Variants in DMD observed in about 807,000 individuals in gnomAD.
DMD encodes the protein mutant dystrophin.
A neutral mutation model predicts 330.1 loss-of-function variants in DMD; 63 were observed. That is an observed-to-expected ratio of 0.19 (90% CI 0.16 to 0.24). The LOEUF is 0.24. Among genes scored for constraint, DMD ranks in the 10% least tolerant of loss-of-function variants. The probability of loss-of-function intolerance (pLI) is 1.00; values close to 1 mark genes in which losing one functional copy is unlikely to be tolerated. For missense variants in DMD, 3,344 were observed against 2,684.1 expected, an observed-to-expected ratio of 1.25 and a Z score of -5.43; for synonymous variants, 1,223 against 959.8, an observed-to-expected ratio of 1.27 and a Z score of -5.07.
intron 48 of DMD, among the ~76,000 whole-genome samples, chrX:31,839,362 G>A (rs1003169946): frequency 1.8e-5 from 2 of 112,010 alleles, no homozygotes; most frequent in African/African-American, 3.2e-5. Flanking sequence ...ACAAAAAACC[G>A]TTGAACGGGC....
intron 2 of DMD, among the ~76,000 whole-genome samples, chrX:32,917,833 T>A (rs1569542318): frequency 9.0e-6 from 1 of 111,123 alleles, no homozygotes; most frequent in Non-Finnish European, 1.9e-5. Flanking sequence ...TATCGGAGAC[T>A]CCCAGTACAT....
chrX:31,868,374 A>T (rs1459094184), intron 48 of DMD, among the ~76,000 whole-genome samples: 4 of 112,427 alleles, frequency 3.6e-5, no homozygotes, highest in African/African-American at 1.3e-4. Flanking sequence ...ATGAAACATT[A>T]ATCTTTTTAT....
chrX:31,227,870 A>G (rs1182397734), intron 63 of DMD, among the ~76,000 whole-genome samples: 2 of 110,623 alleles, frequency 1.8e-5, no homozygotes, highest in Admixed American at 9.6e-5. Flanking sequence ...ATGTCCAACA[A>G]TGATAGACTG....
intron 1 of DMD, among the ~76,000 whole-genome samples, chrX:33,116,834 G>A (rs2095389053): frequency 1.8e-5 from 2 of 111,000 alleles, no homozygotes; most frequent in South Asian, 7.5e-4. Context: ...GAGCTGGCCT[G>A]TATAGGAGAG....
chrX:31,812,490 C>T (rs1348138460), intron 50 of DMD, among the ~76,000 whole-genome samples: 1 of 108,093 alleles, frequency 9.3e-6, no homozygotes, highest in East Asian at 2.9e-4. Flanking sequence ...ATGGGTGCAG[C>T]ACACCAACAT....
chrX:32,723,975 T>A (rs1344985518), intron 7 of DMD, among the ~76,000 whole-genome samples: 6 of 111,432 alleles, frequency 5.4e-5, no homozygotes, highest in African/African-American at 2.0e-4. Context: ...ATGTAGCCCA[T>A]GGGCTGTGAG....
intron 7 of DMD, among the ~76,000 whole-genome samples, chrX:32,732,836 A>G (rs1333515314): frequency 1.8e-5 from 2 of 110,418 alleles, no homozygotes; most frequent in African/African-American, 6.6e-5. Flanking sequence ...CATTGAGACT[A>G]GGAAGAAACT....
intron 44 of DMD, among the ~76,000 whole-genome samples, chrX:32,057,701 T>C (rs1436820924): frequency 1.8e-5 from 2 of 110,366 alleles, no homozygotes; most frequent in East Asian, 3.0e-4. Flanking sequence ...ATTCCTATCA[T>C]AATCCCAATC....
chrX:32,818,463 TG>T (rs751532884), intron 5 of DMD, among the ~76,000 whole-genome samples: 1 of 111,905 alleles, frequency 8.9e-6, no homozygotes, highest in African/African-American at 3.2e-5. Context: ...ATCATTGAGC[TG>T]GTCCCCAAAG....
rs1064793964 is a variant in DMD at position 32,491,344 on chromosome X, C to A, written c.2555G>T (p.Trp852Leu). The change falls in exon 20 of 79, where the codon TGG (tryptophan) becomes TTG (leucine). Residue 852 changes from tryptophan (W) to leucine (L), a missense_variant. Coordinates refer to ENST00000357033, the MANE Select transcript of DMD (RefSeq NM_004006.3). ...LEQMTTTAEN[W>L]LKIQPTTPSE... ...TGGGGTGGTGGGTTGGATTTTCAAC[C>A]AGTTTTCAGCAGTAGTTGTCATCTG... 1 of 1,210,505 alleles carries A rather than the reference C, an allele frequency of 8.3e-7. No individual in the cohort carries two copies. The highest frequency in any genetic ancestry group is 1.8e-5 in the South Asian group (1 of 56,946).
chrX:32,787,036 C>T (rs933379083), intron 7 of DMD, among the ~76,000 whole-genome samples: 2 of 111,479 alleles, frequency 1.8e-5, no homozygotes, highest in Non-Finnish European at 3.8e-5. Flanking sequence ...ACCACTTTTA[C>T]GATGTCATAT....
At chrX:31,632,413 A>T (rs1406449283) in intron 54 of DMD, among the ~76,000 whole-genome samples, 1 of 111,852 alleles carries the variant, frequency 8.9e-6, no homozygotes, top group Non-Finnish European at 1.9e-5. Flanking sequence ...TCAATCTGAT[A>T]TGAAAGGTTA....
intron 63 of DMD, among the ~76,000 whole-genome samples, chrX:31,251,745 T>G (rs1300856622): frequency 8.9e-6 from 1 of 112,201 alleles, no homozygotes; most frequent in Non-Finnish European, 1.9e-5. Flanking sequence ...AAAAGAAATA[T>G]TGGAAATGTC....
At chrX:33,179,642 C>T (rs1406796074) in intron 1 of DMD, among the ~76,000 whole-genome samples, 4 of 105,129 alleles carry the variant, frequency 3.8e-5, no homozygotes, top group East Asian at 3.0e-4. Flanking sequence ...TGCAGTGAGC[C>T]GAGATCGCGC....
intron 1 of DMD, among the ~76,000 whole-genome samples, chrX:33,127,787 G>A (rs974950206): frequency 5.4e-5 from 6 of 110,678 alleles, no homozygotes; most frequent in African/African-American, 9.9e-5. Context: ...AAATATTATC[G>A]TTTATAGATT....
rs2093937025 is a variant in DMD, at chrX:31,874,378, C to T, written c.7098+810G>A. On this transcript the variant is annotated intron_variant, in intron 48 of 78. Transcript: ENST00000357033. The stretch of plus-strand genomic sequence containing the variant: ...GTGTAGTCAGTCTGAGAGGGCTTTA[C>T]AATGTCTACAAAAGAGCCCAGACAT... Among the ~76,000 whole-genome samples the T allele has an allele frequency of 2.7e-5, 3 of 110,779 alleles. No individual in the cohort carries two copies. The South Asian group carries it at 1.1e-3, about 42-fold the overall frequency.
At chrX:32,713,428 T>C (rs1472861196) in intron 7 of DMD, among the ~76,000 whole-genome samples, 1 of 111,337 alleles carries the variant, frequency 9.0e-6, no homozygotes, top group Non-Finnish European at 1.9e-5. Flanking sequence ...GAAATTTCTC[T>C]ATTATTTCCC....
At chrX:32,501,864 G>A in intron 18 of DMD, 22 bp from the exon 19 acceptor site, 2 of 1,112,983 alleles carry the variant, frequency 1.8e-6, no homozygotes, top group East Asian at 3.0e-5. Flanking sequence ...GAGCAAAGAT[G>A]AGTAATTCAA....
intron 41 of DMD, among the ~76,000 whole-genome samples, chrX:32,322,261 C>T (rs1313032913): frequency 9.0e-6 from 1 of 111,379 alleles, no homozygotes; most frequent in Non-Finnish European, 1.9e-5. Context: ...AAACGTTACC[C>T]AAGTGCAAAA....
Sources: gnomAD v4.1 joint callset for allele counts (sites outside exome capture counted in the v4.1 genomes callset) on GRCh38, gnomAD v4.1.1 for gene constraint, MANE v1.5 for transcripts, NCBI Gene and HGNC (gene_info 2026-07-23, HGNC 2026-07-21) for gene names.